ADGRV1: variants seen among roughly 807,000 people sequenced by gnomAD.
The protein encoded by ADGRV1 is G-protein coupled receptor 98.
In ADGRV1, 359 loss-of-function variants were observed where a neutral mutation model predicts 596.2. The observed-to-expected ratio is 0.60, with a 90% CI of 0.55 to 0.66. The LOEUF (loss-of-function observed/expected upper bound fraction) is 0.66, where lower values mean the gene tolerates loss of function less well. Among genes scored for constraint, ADGRV1 ranks in the 30% least tolerant of loss-of-function variants. The pLI is 0.00. For synonymous variants in ADGRV1, 2,681 were observed against 2,679.2 expected (o/e 1.00, Z -0.02); for missense variants, 7,274 against 7,575.6 (o/e 0.96, Z 1.48).
chr5:90,653,502 A>C lies in ADGRV1; in HGVS notation c.3928A>C (p.Thr1310Pro), dbSNP rs771051473. 6.2e-6 allele frequency: 10 copies of C among 1,613,714 alleles called. No homozygotes were observed. The African/African-American group carries it at 1.3e-4, about 22-fold the overall frequency. ...TTTTTTACTGGTTGGAATTTTCCCC[A>C]CCACCGTGCATTTACAACAGCACAT... ...IDFLLVGIFP[T>P]TVHLQQHMRR... Residue 1310 changes from threonine (T) to proline (P), a missense_variant, in exon 20 of 90, where the codon ACC (threonine) becomes CCC (proline). Coordinates refer to ENST00000405460, the MANE Select transcript of ADGRV1 (RefSeq NM_032119.4).
chr5:91,007,073 G>A (rs369354578), intron 85 of ADGRV1, among the ~76,000 whole-genome samples: 13 of 152,324 alleles, frequency 8.5e-5, no homozygotes, highest in South Asian at 6.2e-4. Context: ...ATGCAAGAGC[G>A]GTTATGCCAG....
intron 85 of ADGRV1, among the ~76,000 whole-genome samples, chr5:91,059,197 T>G (rs1787179803): frequency 6.6e-6 from 1 of 152,168 alleles, no homozygotes; most frequent in African/African-American, 2.4e-5. Flanking sequence ...ACTCATTTGG[T>G]TCTCACTGCA....
At chr5:90,644,641 C>A (rs1767465031) in intron 14 of ADGRV1, 65 bp from the exon 15 acceptor site, 1 of 1,271,692 alleles carries the variant, frequency 7.9e-7, no homozygotes, top group Non-Finnish European at 1.1e-6. Context: ...TAACCGATTT[C>A]TTTACTCATC....
At chr5:90,806,788 C>A (rs1048263747) in intron 72 of ADGRV1, among the ~76,000 whole-genome samples, 2 of 152,096 alleles carry the variant, frequency 1.3e-5, no homozygotes, top group African/African-American at 4.8e-5. Context: ...AATAAATTTT[C>A]AAACACAATG....
intron 83 of ADGRV1, among the ~76,000 whole-genome samples, chr5:90,868,171 A>G (rs1768311696): frequency 6.6e-6 from 1 of 152,112 alleles, no homozygotes; most frequent in South Asian, 2.1e-4. Context: ...TTATGACCCC[A>G]AAACATCTCT....
At chr5:90,754,890 A>C (rs987956514) in intron 54 of ADGRV1, 93 bp from the exon 55 acceptor site, 1 of 821,856 alleles carries the variant, frequency 1.2e-6, no homozygotes, top group East Asian at 2.4e-5. Context: ...ACTGTCTACA[A>C]GGGATAGAGT....
rs564763606 is a variant in ADGRV1, at chr5:90,628,994, A to G, written c.1509+162A>G. ...TTACTCAGTATTCCTTCTGAAAATA[A>G]ATATTTTACCCTCTAAAAAATTCCA... On this transcript the variant is annotated intron_variant, in intron 8 of 89. Coordinates refer to ENST00000405460, the MANE Select transcript of ADGRV1 (RefSeq NM_032119.4). 8.2e-6 allele frequency: 6 copies of G among 732,866 alleles called. No individual in the cohort carries two copies. The East Asian group carries it at 1.7e-4, about 20-fold the overall frequency. The allele number at this position is 732,866 out of a possible 1,614,324, so 45.4% of individuals were successfully genotyped here.
At position 91,163,769 on chromosome 5, in the gene ADGRV1, A is replaced by G. The variant is rs41305902; in HGVS notation, c.18803-13A>G. ...TAGTTTGGATTTTTGTGTTCATTCT[A>G]TTTCTGTGGCAGGTGCTGGTCTCAG... On this transcript the variant is annotated splice_polypyrimidine_tract_variant and intron_variant, in intron 89 of 89. Coordinates refer to ENST00000405460, the MANE Select transcript of ADGRV1 (RefSeq NM_032119.4). 7.6e-4 allele frequency: 946 copies of G among 1,246,720 alleles called. 1 individual carries two copies. Among genetic ancestry groups the G allele is most frequent in the Admixed American group, 3.4e-3 (179 of 52,090 alleles). 77.2% of individuals were successfully genotyped at this position (1,246,720 alleles called of 1,614,324 possible).
At position 90,855,698 on chromosome 5, in the gene ADGRV1, T is replaced by G. The variant is rs771575212; in HGVS notation, c.17595-43T>G. ...TTAAAAGCCATCTCAACACCTTCAG[T>G]ATTGATGAAAGAGGAAAAATGACTA... is the stretch of plus-strand genomic sequence containing the variant. On this transcript the variant is annotated intron_variant, in intron 81 of 89. Transcript: ENST00000405460. 3.4e-5 allele frequency: 49 copies of G among 1,431,208 alleles called. 1 individual carries two copies. The highest frequency in any genetic ancestry group is 4.5e-5 in the Non-Finnish European group (48 of 1,057,096). The allele number at this position is 1,431,208 out of a possible 1,614,324, so 88.7% of individuals were successfully genotyped here. A position where few individuals can be genotyped will look rare whatever the true frequency, so the allele number is the denominator to read the frequency against.
chr5:91,038,336 C>T (rs191957738), intron 85 of ADGRV1, among the ~76,000 whole-genome samples: 1 of 152,278 alleles, frequency 6.6e-6, no homozygotes, highest in Admixed American at 6.5e-5. Flanking sequence ...AGAGAATCAC[C>T]TCATTATATT....
chr5:91,125,273 T>C (rs6898300), intron 87 of ADGRV1, among the ~76,000 whole-genome samples: 3,361 of 152,312 alleles, frequency 0.022, 96 homozygotes, highest in African/African-American at 0.073. Flanking sequence ...GCTGCTGACA[T>C]GGCGTACAAA....
intron 83 of ADGRV1, among the ~76,000 whole-genome samples, chr5:90,950,255 G>A (rs1316815032): frequency 6.6e-6 from 1 of 152,134 alleles, no homozygotes; most frequent in African/African-American, 2.4e-5. Context: ...TGTTCACTGT[G>A]GAGAGGAAGT....
chr5:90,962,884 T>G (rs1778151714), intron 83 of ADGRV1, among the ~76,000 whole-genome samples: 1 of 152,214 alleles, frequency 6.6e-6, no homozygotes, highest in African/African-American at 2.4e-5. Flanking sequence ...AAAACTATTC[T>G]GAAAGTAAAT....
intron 1 of ADGRV1, among the ~76,000 whole-genome samples, chr5:90,609,312 T>G (rs1762465252): frequency 6.6e-6 from 1 of 151,724 alleles, no homozygotes; most frequent in Non-Finnish European, 1.5e-5. Flanking sequence ...TATTTAAAGA[T>G]GAATAAAATA....
rs1032681579 is a variant in ADGRV1 at position 90,617,801 on chromosome 5, T to C, written c.208-3T>C. The C allele has an allele frequency of 6.3e-7, 1 of 1,589,362 alleles. No homozygotes were observed. The highest frequency in any genetic ancestry group is 8.6e-7 in the Non-Finnish European group (1 of 1,166,562). ...AGAATGATCTATATTTTGCATTTGATAGCTGTATGGAGAGGACGCTGGTGA... is the reference window on the plus strand; with the variant it reads ...AGAATGATCTATATTTTGCATTTGACAGCTGTATGGAGAGGACGCTGGTGA... On this transcript the variant is annotated splice_polypyrimidine_tract_variant and splice_region_variant and intron_variant, in intron 2 of 89. Coordinates refer to ENST00000405460, the MANE Select transcript of ADGRV1 (RefSeq NM_032119.4).
At chr5:90,700,863 A>G (rs556619487) in intron 34 of ADGRV1, among the ~76,000 whole-genome samples, 35 of 152,258 alleles carry the variant, frequency 2.3e-4, no homozygotes, top group Admixed American at 1.4e-3. Flanking sequence ...TGTCATGTAT[A>G]CACGAATCTA....
rs1216231387 is a variant in ADGRV1 at position 90,840,771 on chromosome 5, C to G, written c.16805C>G (p.Pro5602Arg). ...CGCTTCCAGATTGTCCTTTTTGACC[C>G]AAAAGGTGGTGCCAGAATTGATAAA... Reference protein sequence around the residue: ...PKRFQIVLFDPKGGARIDKVY... With the variant: ...PKRFQIVLFDRKGGARIDKVY... Residue 5602 changes from proline (P) to arginine (R), a missense_variant, in exon 78 of 90, where the codon CCA becomes CGA. Transcript: ENST00000405460. 3.1e-6 allele frequency: 5 copies of G among 1,613,796 alleles called. No individual in the cohort carries two copies. Among genetic ancestry groups the G allele is most frequent in the Non-Finnish European group, 4.2e-6 (5 of 1,179,768 alleles).
rs753746332 is a variant in ADGRV1 at position 90,729,631 on chromosome 5, C to T, written c.10427-11C>T. The T allele has an allele frequency of 3.1e-6, 5 of 1,588,242 alleles. No individual in the cohort carries two copies. The South Asian group carries it at 3.4e-5, about 11-fold the overall frequency. ...TTGCATTAAGATTTGACTTCTATTTCATTATTGCAGGAGATCAGAATTCAA... is the reference window on the plus strand; with the variant it reads ...TTGCATTAAGATTTGACTTCTATTTTATTATTGCAGGAGATCAGAATTCAA... On this transcript the variant is annotated splice_polypyrimidine_tract_variant and intron_variant, in intron 49 of 89. Transcript: ENST00000405460.
intron 59 of ADGRV1, among the ~76,000 whole-genome samples, chr5:90,765,494 A>G (rs887136324): frequency 2.0e-5 from 3 of 151,154 alleles, no homozygotes; most frequent in African/African-American, 7.3e-5. Flanking sequence ...CTGAAATCAA[A>G]TTTTTTTTGA....
Sources: gnomAD v4.1 joint callset for allele counts (sites outside exome capture counted in the v4.1 genomes callset) on GRCh38, gnomAD v4.1.1 for gene constraint, MANE v1.5 for transcripts, NCBI Gene and HGNC (gene_info 2026-07-23, HGNC 2026-07-21) for gene names.